The following ROBO1 variants were observed in gnomAD, a reference collection of about 807,000 sequenced individuals.
ROBO1 encodes roundabout homolog 1.
Under a neutral mutation model 195.9 loss-of-function variants are expected in ROBO1, and 149 were observed. That is an observed-to-expected ratio of 0.76 (90% CI 0.67 to 0.87). ROBO1 has a LOEUF of 0.87. Ranked by LOEUF, ROBO1 falls within the 40% of genes least tolerant of loss-of-function variation. The pLI, the probability that ROBO1 is intolerant of heterozygous loss-of-function variation, is 0.00. For missense variants in ROBO1, 1,933 were observed against 2,068.3 expected, an observed-to-expected ratio of 0.93 and a Z score of 1.27; for synonymous variants, 816 against 733.2, an observed-to-expected ratio of 1.11 and a Z score of -1.82.
intron 4 of ROBO1, among the ~76,000 whole-genome samples, chr3:78,840,000 T>C (rs1391746009): frequency 6.6e-6 from 1 of 152,180 alleles, no homozygotes; most frequent in East Asian, 1.9e-4. Context: ...GCAGAAGACA[T>C]CAATGAAATG....
chr3:79,107,464 T>A (rs1316459989), intron 3 of ROBO1, among the ~76,000 whole-genome samples: 1 of 149,360 alleles, frequency 6.7e-6, no homozygotes, highest in African/African-American at 2.6e-5. Context: ...ACTTTTTGTA[T>A]GTTGTTTCAT....
chr3:78,648,616 T>C (rs1346772122), intron 19 of ROBO1, among the ~76,000 whole-genome samples: 2 of 151,242 alleles, frequency 1.3e-5, no homozygotes, highest in African/African-American at 2.4e-5. Flanking sequence ...TGTCATTTCA[T>C]AGAGGGAGGA....
intron 1 of ROBO1, among the ~76,000 whole-genome samples, chr3:79,651,402 A>C (rs1946002868): frequency 6.6e-6 from 1 of 152,178 alleles, no homozygotes; most frequent in South Asian, 2.1e-4. Context: ...AAATATTAAA[A>C]GAAAGGAATA....
chr3:79,127,382 A>G lies in ROBO1; in HGVS notation c.89-1843T>C, dbSNP rs772006525. ...TGGTCAAATGCATGAAACGGCTTTT[A>G]AGAAAACCACCCTGCTTACCTACAA... is the stretch of plus-strand genomic sequence containing the variant. On this transcript the variant is annotated intron_variant, in intron 2 of 30. Transcript: ENST00000464233. 5.6e-4 allele frequency among the ~76,000 whole-genome samples: 86 copies of G among 152,224 alleles called. 1 individual carries two copies. The highest frequency in any genetic ancestry group is 1.2e-3 in the Non-Finnish European group (80 of 68,032).
intron 3 of ROBO1, among the ~76,000 whole-genome samples, chr3:79,016,556 T>C (rs371093990): frequency 2.1e-3 from 320 of 152,314 alleles, no homozygotes; most frequent in African/African-American, 7.5e-3. Context: ...TTAAATCTAA[T>C]AGGACAGTAC....
chr3:79,590,257 A>C (rs1173425814), intron 1 of ROBO1, among the ~76,000 whole-genome samples: 3 of 151,610 alleles, frequency 2.0e-5, no homozygotes, highest in Non-Finnish European at 4.4e-5. Context: ...TTTTGCTTTG[A>C]TTTCCCACCA....
intron 2 of ROBO1, among the ~76,000 whole-genome samples, chr3:79,173,206 T>C (rs776440905): frequency 1.4e-4 from 22 of 152,214 alleles, no homozygotes; most frequent in Non-Finnish European, 2.9e-4. Context: ...TCGCTCTCGG[T>C]GCCTCCTCTA....
At chr3:78,755,074 G>A (rs1037567703) in intron 4 of ROBO1, among the ~76,000 whole-genome samples, 1 of 152,166 alleles carries the variant, frequency 6.6e-6, no homozygotes, top group Non-Finnish European at 1.5e-5. Flanking sequence ...TAATTCCAAT[G>A]AGAAGCCACT....
At chr3:79,645,473 G>T (rs561366561) in intron 1 of ROBO1, among the ~76,000 whole-genome samples, 3 of 152,102 alleles carry the variant, frequency 2.0e-5, no homozygotes, top group African/African-American at 7.2e-5. Context: ...CTGCACTATA[G>T]CCCGGGAGAC....
intron 1 of ROBO1, among the ~76,000 whole-genome samples, chr3:79,766,281 C>G (rs1201807592): frequency 6.6e-6 from 1 of 151,842 alleles, no homozygotes; most frequent in Non-Finnish European, 1.5e-5. Flanking sequence ...CTCTTGCAGC[C>G]TCATCAACAT....
At chr3:79,642,501 G>A (rs896853463) in intron 1 of ROBO1, among the ~76,000 whole-genome samples, 1 of 152,066 alleles carries the variant, frequency 6.6e-6, no homozygotes, top group Non-Finnish European at 1.5e-5. Context: ...CAAGGACAAA[G>A]AGGGGCTTTT....
chr3:79,601,203 C>G (rs1463362142), intron 1 of ROBO1, among the ~76,000 whole-genome samples: 2 of 151,736 alleles, frequency 1.3e-5, no homozygotes, highest in Non-Finnish European at 2.9e-5. Context: ...AAATTCTAAA[C>G]GAAAGCACCA....
intron 2 of ROBO1, among the ~76,000 whole-genome samples, chr3:79,363,936 T>C (rs1422716268): frequency 6.6e-6 from 1 of 152,062 alleles, no homozygotes; most frequent in African/African-American, 2.4e-5. Flanking sequence ...TAAAATATAA[T>C]AAAGGTGCCT....
intron 2 of ROBO1, among the ~76,000 whole-genome samples, chr3:79,262,109 CTAAAACAAAG>C (rs2082950068): frequency 1.3e-5 from 2 of 151,994 alleles, no homozygotes; most frequent in Admixed American, 1.3e-4. Flanking sequence ...AGCAAAACAA[CTAAAACAAAG>C]TAAAACAAAA....
In ROBO1 at chr3:78,606,942, G is replaced by A. The variant is rs1295950562; in HGVS notation, c.4535C>T (p.Pro1512Leu). ...EVRPVVVPKL[P>L]SMDARTDRSS... is the part of the protein sequence containing the mutation. ...TCTGTCTGTTCTTGCATCCATAGAAGGGAGTTTTGGCACCACTACAGGTCG... is the reference window on the plus strand; with the variant it reads ...TCTGTCTGTTCTTGCATCCATAGAAAGGAGTTTTGGCACCACTACAGGTCG... The change falls in exon 29 of 31, where the codon CCT becomes CTT. Residue 1512 changes from proline to leucine, a missense_variant. Physicochemically the swap from Pro to Leu is moderately conservative, Grantham distance 98. Transcript: ENST00000464233. The A allele has an allele frequency of 1.9e-6, 3 of 1,613,860 alleles. No individual in the cohort carries two copies. Among genetic ancestry groups the A allele is most frequent in the Admixed American group, 3.3e-5 (2 of 59,988 alleles).
chr3:78,944,630 G>A lies in ROBO1; in HGVS notation c.173-5703C>T, dbSNP rs541839668. ...TTTCTGCATTTCCAACTGAGGTACC[G>A]GGTTCATCTCACTGGGGAGTGCCAG... On this transcript the variant is annotated intron_variant, in intron 3 of 30. Transcript: ENST00000464233. Among the ~76,000 whole-genome samples the A allele has an allele frequency of 5.9e-5, 9 of 152,348 alleles. No individual in the cohort carries two copies. In the South Asian group the frequency reaches 1.4e-3, roughly 25 times the overall value.
intron 1 of ROBO1, among the ~76,000 whole-genome samples, chr3:79,699,055 T>A (rs756597531): frequency 2.1e-4 from 32 of 148,896 alleles, no homozygotes; most frequent in Middle Eastern, 3.6e-3. Context: ...TTAAAGGACG[T>A]TTATAACTAA....
intron 2 of ROBO1, among the ~76,000 whole-genome samples, chr3:79,425,791 C>T (rs1045369755): frequency 4.0e-5 from 6 of 151,788 alleles, no homozygotes; most frequent in Non-Finnish European, 8.8e-5. Context: ...GACAGAAAAC[C>T]GAGTGACCAT....
chr3:79,517,893 T>A (rs1329818446), intron 2 of ROBO1, among the ~76,000 whole-genome samples: 1 of 152,198 alleles, frequency 6.6e-6, no homozygotes, highest in Non-Finnish European at 1.5e-5. Flanking sequence ...AATGAATATG[T>A]GGTATTCCAA....
Sources: allele counts gnomAD v4.1 joint callset (sites outside exome capture counted in the v4.1 genomes callset), GRCh38; gene constraint gnomAD v4.1.1; transcripts MANE v1.5; gene names NCBI Gene and HGNC (gene_info 2026-07-23, HGNC 2026-07-21).